Variants in NBEA observed in about 807,000 individuals in gnomAD.
The protein encoded by NBEA is neurobeachin, also known as lysosomal-trafficking regulator 2.
In NBEA, 44 loss-of-function variants were observed where a neutral mutation model predicts 343.4. The observed-to-expected ratio is 0.13, with a 90% CI of 0.10 to 0.16. The LOEUF is 0.16. Ranked by LOEUF, NBEA falls within the 10% of genes least tolerant of loss-of-function variation. The probability of loss-of-function intolerance (pLI) is 1.00; values close to 1 mark genes in which losing one functional copy is unlikely to be tolerated. For missense variants in NBEA, 2,555 were observed against 3,631.3 expected (o/e 0.70, Z 7.62); for synonymous variants, 1,175 against 1,238.7 (o/e 0.95, Z 1.08).
chr13:35,638,681 C>T (rs1223586319), intron 49 of NBEA, among the ~76,000 whole-genome samples: 2 of 152,192 alleles, frequency 1.3e-5, no homozygotes, highest in African/African-American at 4.8e-5. Context: ...TCCAGGCTTG[C>T]TCAGCCACAA....
chr13:35,072,150 ATAT>A, intron 10 of NBEA, among the ~76,000 whole-genome samples: 1 of 152,316 alleles, frequency 6.6e-6, no homozygotes, highest in East Asian at 1.9e-4. Context: ...GAACTAGGAC[ATAT>A]TATGATCAGT....
At chr13:35,104,875 T>G (rs1258483714) in intron 11 of NBEA, among the ~76,000 whole-genome samples, 1 of 151,968 alleles carries the variant, frequency 6.6e-6, no homozygotes, top group East Asian at 1.9e-4. Flanking sequence ...AGTAGAAAAT[T>G]TGATTCAAAG....
chr13:34,949,204 A>G (rs1054907585), intron 1 of NBEA, among the ~76,000 whole-genome samples: 1 of 152,130 alleles, frequency 6.6e-6, no homozygotes, highest in African/African-American at 2.4e-5. Flanking sequence ...CACCCAGTTT[A>G]TTGTTTCACA....
chr13:35,199,829 A>C (rs2072891070), intron 31 of NBEA, among the ~76,000 whole-genome samples: 1 of 152,134 alleles, frequency 6.6e-6, no homozygotes, highest in East Asian at 1.9e-4. Context: ...ATATTTCATC[A>C]GATTATGAAA....
chr13:35,035,357 C>T (rs1040313814), intron 1 of NBEA, among the ~76,000 whole-genome samples: 14 of 151,600 alleles, frequency 9.2e-5, no homozygotes, highest in African/African-American at 1.5e-4. Context: ...AGTTTTATTC[C>T]GTTGTTGTCA....
At chr13:35,113,267 T>C (rs1426859619) in intron 13 of NBEA, among the ~76,000 whole-genome samples, 1 of 152,168 alleles carries the variant, frequency 6.6e-6, no homozygotes, top group Non-Finnish European at 1.5e-5. Context: ...CCTTGTATCA[T>C]GTCAAGGAGG....
rs1440672410 is a variant in NBEA, at chr13:35,487,232, T to C, written c.6585+14696T>C. 5.3e-5 allele frequency among the ~76,000 whole-genome samples: 8 copies of C among 151,930 alleles called. No individual in the cohort carries two copies. The East Asian group carries it at 1.5e-3, about 29-fold the overall frequency. On this transcript the variant is annotated intron_variant, in intron 41 of 58. Coordinates refer to ENST00000379939, the MANE Select transcript of NBEA (RefSeq NM_001385012.1). The stretch of plus-strand genomic sequence containing the variant: ...CTAAAATGTGAGGAAATTTTTTCAA[T>C]GATACATATGATTATATTATTATAT...
chr13:35,001,351 T>C (rs2061132693), intron 1 of NBEA, among the ~76,000 whole-genome samples: 1 of 152,024 alleles, frequency 6.6e-6, no homozygotes, highest in Non-Finnish European at 1.5e-5. Context: ...AATCAACATA[T>C]GAAAGAGATA....
chr13:35,343,457 C>G (rs546498005), intron 36 of NBEA, among the ~76,000 whole-genome samples: 2 of 152,198 alleles, frequency 1.3e-5, no homozygotes, highest in African/African-American at 4.8e-5. Context: ...TATTCTCAAG[C>G]AAACATGTAA....
At chr13:35,281,202 G>C (rs2152811308) in intron 34 of NBEA, among the ~76,000 whole-genome samples, 1 of 152,100 alleles carries the variant, frequency 6.6e-6, no homozygotes, top group South Asian at 2.1e-4. Context: ...GATTATAATA[G>C]TTTCTGTGAC....
At chr13:35,463,352 G>C (rs777437890) in intron 40 of NBEA, among the ~76,000 whole-genome samples, 1 of 152,216 alleles carries the variant, frequency 6.6e-6, no homozygotes, top group Non-Finnish European at 1.5e-5. Flanking sequence ...GCCAGGTGCG[G>C]TGGCTCATGC....
chr13:35,158,654 AT>A (rs1465279372), intron 21 of NBEA, among the ~76,000 whole-genome samples: 1 of 152,136 alleles, frequency 6.6e-6, no homozygotes, highest in African/African-American at 2.4e-5. Flanking sequence ...TACTTTGGTT[AT>A]TGTATATTAT....
chr13:34,994,084 G>A (rs2060853535), intron 1 of NBEA, among the ~76,000 whole-genome samples: 2 of 151,044 alleles, frequency 1.3e-5, no homozygotes, highest in South Asian at 4.2e-4. Flanking sequence ...TGAAATCCCT[G>A]CTACTTGGGA....
At chr13:35,312,905 C>A (rs2037464864) in intron 36 of NBEA, among the ~76,000 whole-genome samples, 1 of 152,084 alleles carries the variant, frequency 6.6e-6, no homozygotes, top group Non-Finnish European at 1.5e-5. Context: ...CTTGTGGTAC[C>A]AGTGAAATAT....
intron 10 of NBEA, among the ~76,000 whole-genome samples, chr13:35,085,687 C>G (rs530939872): frequency 3.6e-4 from 55 of 152,124 alleles, no homozygotes; most frequent in Admixed American, 9.2e-4. Context: ...CAGAGATACC[C>G]TCTCTCACCA....
chr13:35,468,794 G>A (rs1446357706), intron 40 of NBEA, among the ~76,000 whole-genome samples: 1 of 152,058 alleles, frequency 6.6e-6, no homozygotes, highest in Non-Finnish European at 1.5e-5. Context: ...TATTAGTTCT[G>A]TAAAAATATA....
intron 41 of NBEA, among the ~76,000 whole-genome samples, chr13:35,521,109 A>G (rs1216527258): frequency 6.6e-6 from 1 of 152,084 alleles, no homozygotes; most frequent in African/African-American, 2.4e-5. Context: ...GAATTGATCA[A>G]GTCTTCCCAG....
At chr13:35,338,538 G>A (rs950019079) in intron 36 of NBEA, among the ~76,000 whole-genome samples, 7 of 152,084 alleles carry the variant, frequency 4.6e-5, no homozygotes, top group East Asian at 1.9e-4. Flanking sequence ...CATTTGAGAC[G>A]AAAGAGAATC....
At chr13:35,510,189 A>C (rs2077222885) in intron 41 of NBEA, among the ~76,000 whole-genome samples, 1 of 152,196 alleles carries the variant, frequency 6.6e-6, no homozygotes, top group Non-Finnish European at 1.5e-5. Context: ...TTGAAAGAAC[A>C]ATCCATGGAA....
Sources: allele counts gnomAD v4.1 joint callset (sites outside exome capture counted in the v4.1 genomes callset), GRCh38; gene constraint gnomAD v4.1.1; transcripts MANE v1.5; gene names NCBI Gene and HGNC (gene_info 2026-07-23, HGNC 2026-07-21).